TSHZ2: variants seen among roughly 807,000 people sequenced by gnomAD.
The protein encoded by TSHZ2 is teashirt zinc finger homeobox 2, also known as teashirt homolog 2.
A neutral mutation model predicts 74.4 loss-of-function variants in TSHZ2; 21 were observed. The ratio of observed to expected loss-of-function variants is 0.28; its 90% CI spans 0.20 to 0.41. The LOEUF is 0.41. TSHZ2 is among the 10% of genes least tolerant of loss of function. The pLI, the probability that TSHZ2 is intolerant of heterozygous loss-of-function variation, is 1.00. For synonymous variants in TSHZ2, 540 were observed against 515.3 expected (o/e 1.05, Z -0.65); for missense variants, 1,244 against 1,293.5 (o/e 0.96, Z 0.59).
chr20:53,146,447 T>C (rs1263404972), intron 1 of TSHZ2, among the ~76,000 whole-genome samples: 4 of 152,156 alleles, frequency 2.6e-5, no homozygotes, highest in African/African-American at 9.7e-5. Flanking sequence ...ACACACACTA[T>C]CTGACAATAT....
intron 2 of TSHZ2, among the ~76,000 whole-genome samples, chr20:53,315,987 G>T (rs1198956324): frequency 6.6e-6 from 1 of 152,078 alleles, no homozygotes; most frequent in African/African-American, 2.4e-5. Flanking sequence ...GCAGAGGGAA[G>T]AACACATAAT....
chr20:53,008,074 A>G (rs1385768861), intron 1 of TSHZ2, among the ~76,000 whole-genome samples: 1 of 152,196 alleles, frequency 6.6e-6, no homozygotes, highest in East Asian at 1.9e-4. Flanking sequence ...GGCAAAAAAG[A>G]CCAATTTAAA....
At chr20:53,326,119 A>G (rs1005054488) in intron 2 of TSHZ2, among the ~76,000 whole-genome samples, 1 of 152,200 alleles carries the variant, frequency 6.6e-6, no homozygotes, top group Non-Finnish European at 1.5e-5. Context: ...TTACACCTGC[A>G]CCACCCCTGC....
chr20:53,463,435 G>GAAGGAGGGAAGGAAGGAAGGAAGA (rs11283137), intron 2 of TSHZ2, among the ~76,000 whole-genome samples: 1 of 114,254 alleles, frequency 8.8e-6, no homozygotes, highest in Non-Finnish European at 1.8e-5. Context: ...AGGAAGGAAG[G>GAAGGAGGGAAGGAAGGAAGGAAGA]AGGGAGGGAG....
intron 2 of TSHZ2, among the ~76,000 whole-genome samples, chr20:53,327,029 A>G (rs752850952): frequency 3.9e-5 from 6 of 152,240 alleles, no homozygotes; most frequent in Non-Finnish European, 7.3e-5. Context: ...TGGAAACCGT[A>G]CATGCAGCAC....
intron 2 of TSHZ2, among the ~76,000 whole-genome samples, chr20:53,348,082 G>C (rs1029077993): frequency 1.3e-5 from 2 of 152,118 alleles, no homozygotes; most frequent in African/African-American, 4.8e-5. Context: ...GAACCTTTGT[G>C]TCTGGTGGTT....
chr20:53,295,227 A>G (rs993357402), intron 2 of TSHZ2, among the ~76,000 whole-genome samples: 3 of 152,204 alleles, frequency 2.0e-5, no homozygotes, highest in African/African-American at 7.2e-5. Context: ...AGGATAGCAC[A>G]GTTATAAAAA....
chr20:53,313,216 C>A (rs144931371), intron 2 of TSHZ2, among the ~76,000 whole-genome samples: 1 of 152,204 alleles, frequency 6.6e-6, no homozygotes, highest in Admixed American at 6.5e-5. Flanking sequence ...ATTTATTTGA[C>A]GTGGACTGTT....
At chr20:53,368,016 G>A (rs773660990) in intron 2 of TSHZ2, among the ~76,000 whole-genome samples, 12 of 151,980 alleles carry the variant, frequency 7.9e-5, no homozygotes, top group Non-Finnish European at 1.3e-4. Context: ...TTGTTTATAC[G>A]TGACGTAGCG....
At chr20:53,485,111 A>G (rs2145861391) in intron 2 of TSHZ2, among the ~76,000 whole-genome samples, 1 of 152,328 alleles carries the variant, frequency 6.6e-6, no homozygotes, top group South Asian at 2.1e-4. Flanking sequence ...ATTAAGTAGC[A>G]CTTCTCTACC....
intron 1 of TSHZ2, among the ~76,000 whole-genome samples, chr20:53,047,275 T>C (rs1217742268): frequency 2.0e-5 from 3 of 152,180 alleles, no homozygotes; most frequent in Non-Finnish European, 4.4e-5. Context: ...TATATAAAGG[T>C]CTGATATAAA....
intron 1 of TSHZ2, among the ~76,000 whole-genome samples, chr20:53,244,848 G>A (rs1277898214): frequency 6.6e-6 from 1 of 152,126 alleles, no homozygotes; most frequent in African/African-American, 2.4e-5. Flanking sequence ...CATACCACTG[G>A]CTCCTTGTAC....
chr20:53,002,985 T>C (rs1982494148), intron 1 of TSHZ2, among the ~76,000 whole-genome samples: 1 of 152,224 alleles, frequency 6.6e-6, no homozygotes, highest in South Asian at 2.1e-4. Flanking sequence ...TGCTAACCAA[T>C]GACTTCATAA....
intron 1 of TSHZ2, among the ~76,000 whole-genome samples, chr20:53,208,386 G>T (rs1444226475): frequency 6.6e-6 from 1 of 152,132 alleles, no homozygotes; most frequent in Non-Finnish European, 1.5e-5. Flanking sequence ...TGCCTGCCCT[G>T]TGCCAGGCAT....
At chr20:53,225,460 G>A (rs545546497) in intron 1 of TSHZ2, among the ~76,000 whole-genome samples, 7 of 152,176 alleles carry the variant, frequency 4.6e-5, no homozygotes, top group Non-Finnish European at 8.8e-5. Context: ...GAAGGTTAAC[G>A]GAGATTGGAA....
At chr20:53,034,756 C>T (rs1238728922) in intron 1 of TSHZ2, among the ~76,000 whole-genome samples, 1 of 152,180 alleles carries the variant, frequency 6.6e-6, no homozygotes, top group East Asian at 1.9e-4. Context: ...CTCCAGGGTT[C>T]TTTTCACACC....
intron 1 of TSHZ2, among the ~76,000 whole-genome samples, chr20:53,029,261 G>A (rs1983551348): frequency 1.3e-5 from 2 of 152,016 alleles, no homozygotes; most frequent in Non-Finnish European, 1.5e-5. Flanking sequence ...CCCAAAACAA[G>A]GTATTATTGA....
At chr20:53,155,052 ATTT>A (rs11475183) in intron 1 of TSHZ2, among the ~76,000 whole-genome samples, 67 of 118,078 alleles carry the variant, frequency 5.7e-4, no homozygotes, top group Middle Eastern at 4.7e-3. Flanking sequence ...TTGAATATGC[ATTT>A]TTTTTTTTTT....
chr20:53,275,308 A>G lies in TSHZ2; in HGVS notation c.*8+18737A>G, dbSNP rs991590087. 5.9e-5 allele frequency among the ~76,000 whole-genome samples: 9 copies of G among 152,068 alleles called. 1 individual carries two copies. On this transcript the variant is annotated intron_variant, in intron 2 of 2. Transcript: ENST00000371497. ...AAAATGCAGAGTCTCCTCTGTCCTC[A>G]TGTTAATTTTTAAATTATATATCAT...
Sources: gnomAD v4.1 joint callset for allele counts (sites outside exome capture counted in the v4.1 genomes callset) on GRCh38, gnomAD v4.1.1 for gene constraint, MANE v1.5 for transcripts, NCBI Gene and HGNC (gene_info 2026-07-23, HGNC 2026-07-21) for gene names.